Variants in RNF220 observed in about 807,000 individuals in gnomAD.
RNF220 encodes ring finger protein 220, also known as E3 ubiquitin-protein ligase RNF220.
In RNF220, 7 loss-of-function variants were observed where a neutral mutation model predicts 67.1. The ratio of observed to expected loss-of-function variants is 0.10; its 90% CI spans 0.06 to 0.20. The LOEUF (loss-of-function observed/expected upper bound fraction) is 0.20, where lower values mean the gene tolerates loss of function less well. Ranked by LOEUF, RNF220 falls within the 10% of genes least tolerant of loss-of-function variation. RNF220 has a pLI of 1.00. For synonymous variants in RNF220, 270 were observed against 283.2 expected, an observed-to-expected ratio of 0.95 and a Z score of 0.47; for missense variants, 565 against 740.3, an observed-to-expected ratio of 0.76 and a Z score of 2.75.
intron 2 of RNF220, among the ~76,000 whole-genome samples, chr1:44,451,690 G>T (rs572085519): frequency 6.6e-6 from 1 of 151,886 alleles, no homozygotes; most frequent in Non-Finnish European, 1.5e-5. Context: ...TGGCATGATC[G>T]GCTCACTGCA....
At position 44,406,992 on chromosome 1, in the gene RNF220, C is replaced by T. The variant is rs142453242; in HGVS notation, c.-118+1462C>T. On this transcript the variant is annotated intron_variant, in intron 1 of 14. Transcript: ENST00000361799. ...AGGCAGGGGGAAAGCTCTCGCTTCC[C>T]GTTAAGCACACCCTGCATTCTCGGG... Among the ~76,000 whole-genome samples, 7 of 152,306 alleles carry T rather than the reference C, an allele frequency of 4.6e-5. No homozygotes were observed. In the East Asian group the frequency reaches 1.2e-3, roughly 25 times the overall value.
At chr1:44,450,776 A>G (rs1283422547) in intron 2 of RNF220, among the ~76,000 whole-genome samples, 1 of 152,220 alleles carries the variant, frequency 6.6e-6, no homozygotes, top group Non-Finnish European at 1.5e-5. Flanking sequence ...GCTGCAGCGA[A>G]CTTTTGGCAC....
At chr1:44,583,496 C>A (rs768064679) in intron 2 of RNF220, among the ~76,000 whole-genome samples, 1 of 152,234 alleles carries the variant, frequency 6.6e-6, no homozygotes, top group Non-Finnish European at 1.5e-5. Context: ...CTTTTCTAAC[C>A]TGTCCCTATT....
intron 2 of RNF220, among the ~76,000 whole-genome samples, chr1:44,474,378 AAATAATAAT>A (rs61147848): frequency 0.079 from 10,820 of 137,502 alleles, 624 homozygotes; most frequent in African/African-American, 0.15. Context: ...CTGTCTCCAA[AAATAATAAT>A]AATAATAATA....
chr1:44,423,573 C>T (rs1425257046), intron 2 of RNF220, among the ~76,000 whole-genome samples: 1 of 152,180 alleles, frequency 6.6e-6, no homozygotes, highest in Non-Finnish European at 1.5e-5. Flanking sequence ...CCATGCTTGG[C>T]ACAGAGTAGA....
At chr1:44,517,151 C>A (rs561149407) in intron 2 of RNF220, among the ~76,000 whole-genome samples, 5 of 152,334 alleles carry the variant, frequency 3.3e-5, no homozygotes, top group African/African-American at 9.6e-5. Context: ...TCTGTCACTG[C>A]TGGAACTGTC....
intron 2 of RNF220, among the ~76,000 whole-genome samples, chr1:44,502,091 ACACACAC>A (rs1358660618): frequency 1.7e-5 from 2 of 121,120 alleles, no homozygotes; most frequent in East Asian, 4.5e-4. Context: ...ACACACACAC[ACACACAC>A]ACTTTGTAAG....
chr1:44,565,703 G>T lies in RNF220; in HGVS notation c.626-48462G>T, dbSNP rs1309322179. On this transcript the variant is annotated intron_variant, in intron 2 of 14. Coordinates refer to ENST00000361799, the MANE Select transcript of RNF220 (RefSeq NM_018150.4). The surrounding 1 kb of genome is among the most constrained non-coding windows in gnomAD (Gnocchi z 4.2). ...TGAGCTACCCATTTTAGCTGGAGGGGTTTGCATAGATGCTGGGCTAAAGAG... is the reference window on the plus strand; with the variant it reads ...TGAGCTACCCATTTTAGCTGGAGGGTTTTGCATAGATGCTGGGCTAAAGAG... Among the ~76,000 whole-genome samples, 1 of 152,182 alleles carries T rather than the reference G, an allele frequency of 6.6e-6. No homozygotes were observed. Among genetic ancestry groups the T allele is most frequent in the Non-Finnish European group, 1.5e-5 (1 of 68,042 alleles).
intron 2 of RNF220, among the ~76,000 whole-genome samples, chr1:44,478,388 A>G (rs1655476819): frequency 6.6e-6 from 1 of 151,656 alleles, no homozygotes; most frequent in Non-Finnish European, 1.5e-5. Flanking sequence ...ACAGTGGTAG[A>G]ATACAGGATA....
intron 2 of RNF220, among the ~76,000 whole-genome samples, chr1:44,433,831 G>T (rs1650666577): frequency 6.6e-6 from 1 of 152,122 alleles, no homozygotes; most frequent in African/African-American, 2.4e-5. Context: ...GTGCAGTGGT[G>T]CATGTCTGTA....
At chr1:44,411,857 G>T (rs934448108) in intron 1 of RNF220, 124 bp from the exon 2 acceptor site, 1 of 496,036 alleles carries the variant, frequency 2.0e-6, no homozygotes, top group Non-Finnish European at 3.6e-6. Flanking sequence ...CCTAAAGCCT[G>T]TGGTGTCTCT....
rs56409207 is a variant in RNF220, at chr1:44,527,925, C to CAAAAAAAAAAA, written c.626-86224_626-86214dup. Among the ~76,000 whole-genome samples, 193 of 56,174 alleles carry CAAAAAAAAAAA rather than the reference C, an allele frequency of 3.4e-3. 67 individuals carry two copies. Among genetic ancestry groups the CAAAAAAAAAAA allele is most frequent in the African/African-American group, 0.01 (99 of 9,844 alleles). The allele number at this position is 56,174 out of a possible 152,430, so 36.9% of individuals were successfully genotyped here. A position where few individuals can be genotyped will look rare whatever the true frequency, so the allele number is the denominator to read the frequency against. ...TGGGTGACAGAGCAAGACTCCATCCCAAAAAAAAAAAAAAAAAAAAAAAAA... is the reference window on the plus strand; with the variant it reads ...TGGGTGACAGAGCAAGACTCCATCCCAAAAAAAAAAAAAAAAAAAAAAAAAAAAAAAAAAAA... On this transcript the variant is annotated intron_variant, in intron 2 of 14. Coordinates refer to ENST00000361799, the MANE Select transcript of RNF220 (RefSeq NM_018150.4).
intron 4 of RNF220, among the ~76,000 whole-genome samples, chr1:44,626,084 G>GGTC (rs1473988270): frequency 6.6e-6 from 1 of 152,010 alleles, no homozygotes; most frequent in Non-Finnish European, 1.5e-5. Flanking sequence ...TCCCTCAAGG[G>GGTC]GTCTCTACCC....
At chr1:44,512,744 G>A (rs1304383983) in intron 2 of RNF220, among the ~76,000 whole-genome samples, 1 of 152,210 alleles carries the variant, frequency 6.6e-6, no homozygotes, top group African/African-American at 2.4e-5. Flanking sequence ...GGGCAGCCTG[G>A]CCAAGCGGAG....
chr1:44,527,574 A>G (rs1257711283), intron 2 of RNF220, among the ~76,000 whole-genome samples: 5 of 152,142 alleles, frequency 3.3e-5, no homozygotes, highest in Non-Finnish European at 7.4e-5. Context: ...CCCAGAAAAC[A>G]TAACGAGACC....
chr1:44,448,867 C>A (rs1652372697), intron 2 of RNF220, among the ~76,000 whole-genome samples: 1 of 152,130 alleles, frequency 6.6e-6, no homozygotes, highest in African/African-American at 2.4e-5. Context: ...TATACCTGAG[C>A]CTGACTTTTA....
chr1:44,473,271 A>G (rs1224497449), intron 2 of RNF220, among the ~76,000 whole-genome samples: 1 of 152,002 alleles, frequency 6.6e-6, no homozygotes, highest in Non-Finnish European at 1.5e-5. Flanking sequence ...TTTACAGTGG[A>G]ACGGTTTCTG....
intron 2 of RNF220, among the ~76,000 whole-genome samples, chr1:44,559,920 C>G (rs1663429527): frequency 6.6e-6 from 1 of 152,214 alleles, no homozygotes; most frequent in Non-Finnish European, 1.5e-5. Context: ...CTCTGAGCTC[C>G]CCCAAGGAAG....
At chr1:44,610,223 C>T (rs1251792624) in intron 2 of RNF220, among the ~76,000 whole-genome samples, 1 of 152,230 alleles carries the variant, frequency 6.6e-6, no homozygotes, top group Non-Finnish European at 1.5e-5. Context: ...GACCTCTGGC[C>T]GCCTGGCATT....
Sources: gnomAD v4.1 joint callset for allele counts (sites outside exome capture counted in the v4.1 genomes callset) on GRCh38, gnomAD v4.1.1 for gene constraint, Gnocchi (gnomAD v3.1) non-coding constraint, MANE v1.5 for transcripts, NCBI Gene and HGNC (gene_info 2026-07-23, HGNC 2026-07-21) for gene names.